Variants in TPRG1 observed in about 807,000 individuals in gnomAD.
TPRG1 encodes the protein tumor protein p63-regulated gene 1 protein.
A neutral mutation model predicts 29.3 loss-of-function variants in TPRG1; 29 were observed. The observed-to-expected ratio is 0.99, with a 90% CI of 0.74 to 1.35. The LOEUF (loss-of-function observed/expected upper bound fraction) is 1.35, where lower values mean the gene tolerates loss of function less well. Among genes scored for constraint, TPRG1 ranks in the 40% most tolerant of loss-of-function variants. TPRG1 has a pLI of 0.00. For synonymous variants in TPRG1, 130 were observed against 116.8 expected (o/e 1.11, Z -0.73); for missense variants, 327 against 335.0 (o/e 0.98, Z 0.19).
intron 4 of TPRG1, among the ~76,000 whole-genome samples, chr3:189,027,106 G>A (rs1472694826): frequency 6.6e-6 from 1 of 152,154 alleles, no homozygotes; most frequent in African/African-American, 2.4e-5. Context: ...GTTTTCTTGT[G>A]CAGTGAAGGT....
chr3:189,047,119 AAAGT>A (rs1421125936), intron 4 of TPRG1, among the ~76,000 whole-genome samples: 1 of 152,220 alleles, frequency 6.6e-6, no homozygotes, highest in Non-Finnish European at 1.5e-5. Context: ...AACTGATGCC[AAAGT>A]AAGAGATATA....
At chr3:189,108,959 G>A (rs1235641100) in intron 1 of TPRG1, among the ~76,000 whole-genome samples, 6 of 152,068 alleles carry the variant, frequency 3.9e-5, no homozygotes, top group Admixed American at 3.9e-4. Flanking sequence ...GGCAGGAAAA[G>A]GGCTGAACTC....
At chr3:189,236,697 G>A (rs1430998806) in intron 3 of TPRG1, among the ~76,000 whole-genome samples, 2 of 152,178 alleles carry the variant, frequency 1.3e-5, no homozygotes, top group Non-Finnish European at 2.9e-5. Context: ...TAATACTTAT[G>A]AATATATAAT....
intron 4 of TPRG1, among the ~76,000 whole-genome samples, chr3:189,298,497 G>A (rs1264809670): frequency 6.6e-6 from 1 of 152,208 alleles, no homozygotes; most frequent in African/African-American, 2.4e-5. Flanking sequence ...TGCTGGTGCT[G>A]AGATTTGAAC....
intron 4 of TPRG1, among the ~76,000 whole-genome samples, chr3:189,051,621 G>C (rs1025409758): frequency 3.9e-5 from 6 of 151,936 alleles, no homozygotes; most frequent in African/African-American, 1.2e-4. Flanking sequence ...AACCAAAAAA[G>C]AGCTCACATA....
chr3:189,097,840 T>C (rs758259207), upstream of TPRG1, among the ~76,000 whole-genome samples: 6 of 152,196 alleles, frequency 3.9e-5, no homozygotes, highest in Admixed American at 1.3e-4. Context: ...TCTGAAAGGA[T>C]CTCAGAAACC....
At chr3:189,070,265 A>G (rs945608868) in intron 4 of TPRG1, among the ~76,000 whole-genome samples, 6 of 152,142 alleles carry the variant, frequency 3.9e-5, no homozygotes, top group Non-Finnish European at 7.3e-5. Context: ...GTGATGAAAG[A>G]GGTATAGGCA....
chr3:189,059,451 G>C (rs1251646025), intron 4 of TPRG1, among the ~76,000 whole-genome samples: 1 of 152,084 alleles, frequency 6.6e-6, no homozygotes, highest in African/African-American at 2.4e-5. Flanking sequence ...AATTAGCTGG[G>C]TGTGGTGGCA....
chr3:189,148,303 G>A (rs1434407688), intron 4 of TPRG1, among the ~76,000 whole-genome samples: 9 of 152,158 alleles, frequency 5.9e-5, no homozygotes, highest in Admixed American at 4.6e-4. Context: ...AAACAGCAAC[G>A]TATAAAACAC....
chr3:189,124,945 C>T (rs1401300284), intron 1 of TPRG1, among the ~76,000 whole-genome samples: 1 of 151,568 alleles, frequency 6.6e-6, no homozygotes, highest in Admixed American at 6.6e-5. Context: ...AACTTTTGAC[C>T]AAAGTAGTAT....
chr3:189,296,823 G>A (rs1329015168), intron 4 of TPRG1, among the ~76,000 whole-genome samples: 1 of 152,074 alleles, frequency 6.6e-6, no homozygotes, highest in Non-Finnish European at 1.5e-5. Context: ...GTAAACATTT[G>A]AATAATCTTC....
chr3:189,157,722 G>T (rs910340460), intron 5 of TPRG1, among the ~76,000 whole-genome samples: 1 of 152,162 alleles, frequency 6.6e-6, no homozygotes. Context: ...CCATGCTGTT[G>T]CCTCCCAGGA....
intron 4 of TPRG1, among the ~76,000 whole-genome samples, chr3:189,060,959 T>G (rs922005535): frequency 3.3e-5 from 5 of 152,112 alleles, no homozygotes; most frequent in African/African-American, 1.2e-4. Flanking sequence ...AAAATTCATA[T>G]GGAACCAAAA....
At chr3:189,309,394 A>T (rs1354225438) in intron 4 of TPRG1, among the ~76,000 whole-genome samples, 1 of 152,160 alleles carries the variant, frequency 6.6e-6, no homozygotes, top group African/African-American at 2.4e-5. Flanking sequence ...CTGGTTTTTC[A>T]TTCCAGAAAT....
chr3:189,236,575 G>A (rs1739482063), intron 3 of TPRG1, among the ~76,000 whole-genome samples: 1 of 152,150 alleles, frequency 6.6e-6, no homozygotes, highest in African/African-American at 2.4e-5. Flanking sequence ...GTTGAACCAA[G>A]ACTTAAACTT....
At chr3:189,286,821 A>G (rs1718138741) in intron 4 of TPRG1, among the ~76,000 whole-genome samples, 1 of 152,100 alleles carries the variant, frequency 6.6e-6, no homozygotes. Context: ...CTTCCTTGGT[A>G]GCTTCCTACT....
chr3:189,128,612 G>A (rs1189739161), intron 2 of TPRG1, among the ~76,000 whole-genome samples: 1 of 152,128 alleles, frequency 6.6e-6, no homozygotes, highest in East Asian at 1.9e-4. Flanking sequence ...GTGCCCTCAT[G>A]TTCCTTATCT....
chr3:189,015,045 C>A (rs1170456362), intron 3 of TPRG1, among the ~76,000 whole-genome samples: 1 of 152,148 alleles, frequency 6.6e-6, no homozygotes, highest in Non-Finnish European at 1.5e-5. Context: ...AAGTTTGGAA[C>A]TTCCTTGAGA....
chr3:189,168,237 A>G (rs920791476), upstream of TPRG1, among the ~76,000 whole-genome samples: 1 of 152,236 alleles, frequency 6.6e-6, no homozygotes, highest in African/African-American at 2.4e-5. Context: ...GATATTTTCA[A>G]ATAAAATATG....
Sources: allele counts gnomAD v4.1 joint callset (sites outside exome capture counted in the v4.1 genomes callset), GRCh38; gene constraint gnomAD v4.1.1; transcripts MANE v1.5; gene names NCBI Gene and HGNC (gene_info 2026-07-23, HGNC 2026-07-21).